Variants in TNIK observed in about 807,000 individuals in gnomAD.
The protein encoded by TNIK is TRAF2 and NCK-interacting protein kinase.
TNIK carries 49 observed loss-of-function variants against 191.3 expected under a neutral mutation model. That is an observed-to-expected ratio of 0.26 (90% confidence interval 0.20 to 0.32). The LOEUF is 0.32. TNIK is among the 10% of genes least tolerant of loss of function. The pLI, the probability that TNIK is intolerant of heterozygous loss-of-function variation, is 1.00. For synonymous variants in TNIK, 594 were observed against 600.9 expected, an observed-to-expected ratio of 0.99 and a Z score of 0.17; for missense variants, 1,155 against 1,702.3, an observed-to-expected ratio of 0.68 and a Z score of 5.66.
intron 2 of TNIK, among the ~76,000 whole-genome samples, chr3:171,240,214 T>A (rs1356305634): frequency 2.0e-5 from 3 of 152,178 alleles, no homozygotes; most frequent in African/African-American, 7.2e-5. Context: ...AAGCACAGCA[T>A]CTTGCTGACT....
chr3:171,458,928 A>AC (rs1473375456), intron 1 of TNIK, among the ~76,000 whole-genome samples: 2 of 151,744 alleles, frequency 1.3e-5, no homozygotes, highest in African/African-American at 4.8e-5. Context: ...CCCACCCCTC[A>AC]CCCCCTTCCA....
chr3:171,343,841 T>A (rs762857342), intron 2 of TNIK, among the ~76,000 whole-genome samples: 32 of 152,172 alleles, frequency 2.1e-4, no homozygotes, highest in Non-Finnish European at 4.1e-4. Context: ...TGTTTGGTGG[T>A]TTACCCAAAA....
At chr3:171,321,626 T>C (rs914229958) in intron 2 of TNIK, among the ~76,000 whole-genome samples, 1 of 152,174 alleles carries the variant, frequency 6.6e-6, no homozygotes, top group African/African-American at 2.4e-5. Context: ...TTCTGAAAAG[T>C]ACTTTCACCT....
chr3:171,063,713 C>T lies in TNIK; in HGVS notation c.*168G>A. On this transcript the variant is annotated 3_prime_UTR_variant, in exon 33 of 33. Coordinates refer to ENST00000436636, the MANE Select transcript of TNIK (RefSeq NM_015028.4). ...TCTCTCCTTCTCAACCAGGCTGCAA[C>T]ATTGAAAGATGGACTGTACTGGGAG... The T allele has an allele frequency of 1.8e-6, 1 of 565,660 alleles. No homozygotes were observed. The allele number at this position is 565,660 out of a possible 1,614,324, so 35.0% of individuals were successfully genotyped here.
At chr3:171,438,822 C>A (rs1340229670) in intron 1 of TNIK, among the ~76,000 whole-genome samples, 1 of 152,100 alleles carries the variant, frequency 6.6e-6, no homozygotes. Flanking sequence ...GTCCAACCAC[C>A]ACTTGTGGTG....
chr3:171,422,269 AAATAT>A (rs997691682), intron 1 of TNIK, among the ~76,000 whole-genome samples: 3 of 152,094 alleles, frequency 2.0e-5, no homozygotes, highest in Admixed American at 6.6e-5. Flanking sequence ...ATGTTAAGTA[AAATAT>A]AATATATATT....
chr3:171,158,654 G>T (rs1733548874), intron 11 of TNIK, among the ~76,000 whole-genome samples: 1 of 152,194 alleles, frequency 6.6e-6, no homozygotes, highest in Non-Finnish European at 1.5e-5. Context: ...AAGCTCTAAG[G>T]ATACGGCAGT....
chr3:171,255,454 C>T (rs183629154), intron 2 of TNIK, among the ~76,000 whole-genome samples: 32 of 152,196 alleles, frequency 2.1e-4, no homozygotes, highest in Non-Finnish European at 4.3e-4. Flanking sequence ...TTGCAAACTC[C>T]GGATATAAGC....
chr3:171,120,078 C>T lies in TNIK; in HGVS notation c.2120+3518G>A, dbSNP rs531851633. On this transcript the variant is annotated intron_variant, in intron 18 of 32. Coordinates refer to ENST00000436636, the MANE Select transcript of TNIK (RefSeq NM_015028.4). ...AAATAGTAAAAGCTTTACTTTTGTC[C>T]TCAAGTTACAGGTATACCGTTGCAT... Among the ~76,000 whole-genome samples, 11 of 152,190 alleles carry T rather than the reference C, an allele frequency of 7.2e-5. 1 individual carries two copies. In the South Asian group the frequency reaches 2.3e-3, roughly 32 times the overall value.
At chr3:171,084,373 T>G in intron 25 of TNIK, 48 bp from the exon 26 acceptor site, 1 of 1,575,814 alleles carries the variant, frequency 6.3e-7, no homozygotes, top group South Asian at 1.2e-5. Flanking sequence ...AAAAGATAAC[T>G]TATGGAGATG....
At chr3:171,133,688 C>A (rs1729612788) in intron 15 of TNIK, among the ~76,000 whole-genome samples, 1 of 152,062 alleles carries the variant, frequency 6.6e-6, no homozygotes, top group Non-Finnish European at 1.5e-5. Flanking sequence ...GAGAGATATG[C>A]AGAAATGGAG....
Position 171,063,866 on chromosome 3 carries a change from C to T in TNIK, c.*15G>A, listed in dbSNP as rs1467134065. Reference sequence around the variant, plus strand: ...AGAAATAACGCCATGAAGATAAGTGCCAAGTGCTCTTCTGTTACCAGTTCA... The same window carrying T: ...AGAAATAACGCCATGAAGATAAGTGTCAAGTGCTCTTCTGTTACCAGTTCA... On this transcript the variant is annotated 3_prime_UTR_variant, in exon 33 of 33. Coordinates refer to ENST00000436636, the MANE Select transcript of TNIK (RefSeq NM_015028.4). 6.2e-7 allele frequency: 1 copy of T among 1,612,212 alleles called. No individual in the cohort carries two copies. The highest frequency in any genetic ancestry group is 1.3e-5 in the African/African-American group (1 of 74,828).
Position 171,066,530 on chromosome 3 carries a change from T to A in TNIK, c.3859+46A>T, listed in dbSNP as rs746001350. The A allele has an allele frequency of 1.2e-5, 20 of 1,612,322 alleles. No homozygotes were observed. The Admixed American group carries it at 3.0e-4, about 24-fold the overall frequency. ...TTCACATTTCTTGATTTTCGTTTCA[T>A]TTGGGGGGTGTAACTGCTGAAGGAG... On this transcript the variant is annotated intron_variant, in intron 31 of 32. Transcript: ENST00000436636.
At chr3:171,214,153 TA>T (rs1054649579) in intron 3 of TNIK, among the ~76,000 whole-genome samples, 8 of 151,812 alleles carry the variant, frequency 5.3e-5, no homozygotes, top group Admixed American at 3.9e-4. Flanking sequence ...GCCTACTGTT[TA>T]TCCAGATTTT....
At chr3:171,437,221 AG>A (rs1332317219) in intron 1 of TNIK, among the ~76,000 whole-genome samples, 9 of 152,202 alleles carry the variant, frequency 5.9e-5, no homozygotes, top group African/African-American at 2.2e-4. Flanking sequence ...AAAGGAAAAA[AG>A]CACCCAAGCT....
chr3:171,175,146 G>T, intron 9 of TNIK, 106 bp downstream of exon 9: 2 of 1,052,656 alleles, frequency 1.9e-6, no homozygotes, highest in Non-Finnish European at 2.9e-6. Flanking sequence ...CATCATACAT[G>T]TTAGTCTCAT....
At chr3:171,407,716 C>G (rs2108593778) in intron 1 of TNIK, among the ~76,000 whole-genome samples, 1 of 152,338 alleles carries the variant, frequency 6.6e-6, no homozygotes, top group East Asian at 1.9e-4. Context: ...GAAGTTCTTG[C>G]TACATGCAAG....
rs193100385 is a variant in TNIK at position 171,250,600 on chromosome 3, A to C, written c.124-22379T>G. Among the ~76,000 whole-genome samples, 7 of 152,296 alleles carry C rather than the reference A, an allele frequency of 4.6e-5. No individual in the cohort carries two copies. In the East Asian group the frequency reaches 1.3e-3, roughly 29 times the overall value. On this transcript the variant is annotated intron_variant, in intron 2 of 32. Transcript: ENST00000436636. ...GAAAAGTAGGAACTCCAACTCCTTC[A>C]GCTGTGGGAGGTGGGAACAACACAG...
chr3:171,449,254 T>G (rs1231898768), intron 1 of TNIK, among the ~76,000 whole-genome samples: 2 of 152,136 alleles, frequency 1.3e-5, no homozygotes, highest in African/African-American at 4.8e-5. Context: ...TTATAATCCT[T>G]TGGGTATATA....
Sources: allele counts gnomAD v4.1 joint callset (sites outside exome capture counted in the v4.1 genomes callset), GRCh38; gene constraint gnomAD v4.1.1; transcripts MANE v1.5; gene names NCBI Gene and HGNC (gene_info 2026-07-23, HGNC 2026-07-21).